STXBP5L: variants seen among roughly 807,000 people sequenced by gnomAD.
STXBP5L encodes the protein syntaxin binding protein 5L, also known as syntaxin-binding protein 5-like.
A neutral mutation model predicts 144.5 loss-of-function variants in STXBP5L; 65 were observed. The observed-to-expected ratio is 0.45, with a 90% CI of 0.37 to 0.55. The LOEUF is 0.55. Ranked by LOEUF, STXBP5L falls within the 20% of genes least tolerant of loss-of-function variation. The probability of loss-of-function intolerance (pLI) is 0.00; values close to 1 mark genes in which losing one functional copy is unlikely to be tolerated. For missense variants in STXBP5L, 1,298 were observed against 1,405.5 expected (o/e 0.92, Z 1.22); for synonymous variants, 505 against 469.6 (o/e 1.08, Z -0.97).
intron 5 of STXBP5L, among the ~76,000 whole-genome samples, chr3:121,072,016 C>T (rs888566537): frequency 6.6e-6 from 1 of 152,188 alleles, no homozygotes; most frequent in African/African-American, 2.4e-5. Flanking sequence ...TTTTCCAGAA[C>T]TTTGTGGGCG....
intron 20 of STXBP5L, among the ~76,000 whole-genome samples, chr3:121,377,707 T>TTTTA (rs1178438316): frequency 6.6e-6 from 1 of 152,146 alleles, no homozygotes; most frequent in African/African-American, 2.4e-5. Context: ...AATAGAAAAC[T>TTTTA]TTTACACTGT....
At chr3:121,188,161 G>T (rs1165156375) in intron 9 of STXBP5L, among the ~76,000 whole-genome samples, 1 of 152,146 alleles carries the variant, frequency 6.6e-6, no homozygotes, top group Non-Finnish European at 1.5e-5. Flanking sequence ...TCCAGGACTT[G>T]AACTCAGCTC....
chr3:121,015,112 C>G (rs1490433566), intron 3 of STXBP5L, among the ~76,000 whole-genome samples: 1 of 151,990 alleles, frequency 6.6e-6, no homozygotes, highest in African/African-American at 2.4e-5. Flanking sequence ...CAATCCAATC[C>G]TAATCATGAT....
intron 24 of STXBP5L, among the ~76,000 whole-genome samples, chr3:121,415,356 C>T (rs933636666): frequency 6.6e-6 from 1 of 152,150 alleles, no homozygotes; most frequent in Admixed American, 6.6e-5. Flanking sequence ...ATGTACTTCA[C>T]CCTATACAGT....
chr3:121,353,873 G>T (rs1033993874), intron 20 of STXBP5L, among the ~76,000 whole-genome samples: 4 of 152,136 alleles, frequency 2.6e-5, no homozygotes, highest in Non-Finnish European at 5.9e-5. Context: ...AGAGATTCTG[G>T]TACATTGTTC....
chr3:121,363,515 A>T (rs2108643819), intron 20 of STXBP5L, among the ~76,000 whole-genome samples: 1 of 151,930 alleles, frequency 6.6e-6, no homozygotes, highest in African/African-American at 2.4e-5. Context: ...GGTTTAGTTT[A>T]CCTTTCTGCT....
chr3:121,090,264 T>G (rs2042712728), intron 5 of STXBP5L, among the ~76,000 whole-genome samples: 1 of 152,098 alleles, frequency 6.6e-6, no homozygotes, highest in Non-Finnish European at 1.5e-5. Context: ...AGGTGGGAAT[T>G]GAAGTTCAGG....
At chr3:120,983,095 T>C (rs638589) in intron 3 of STXBP5L, among the ~76,000 whole-genome samples, 80,378 of 152,042 alleles carry the variant, frequency 0.53, 21,785 homozygotes, top group African/African-American at 0.62. Context: ...ACAGCAGTGG[T>C]AGTGGTATCT....
At chr3:121,347,151 A>C (rs566347480) in intron 20 of STXBP5L, among the ~76,000 whole-genome samples, 1 of 152,226 alleles carries the variant, frequency 6.6e-6, no homozygotes, top group African/African-American at 2.4e-5. Context: ...GAAGGGATCT[A>C]GTTTCAGCTT....
At chr3:121,253,659 G>A (rs1036824904) in intron 15 of STXBP5L, among the ~76,000 whole-genome samples, 1 of 142,708 alleles carries the variant, frequency 7.0e-6, no homozygotes, top group Non-Finnish European at 1.6e-5. Context: ...ACGGAGTCTC[G>A]CTCTGTCTGC....
intron 8 of STXBP5L, among the ~76,000 whole-genome samples, chr3:121,155,232 T>C (rs2046070048): frequency 6.6e-6 from 1 of 151,822 alleles, no homozygotes; most frequent in Admixed American, 6.6e-5. Flanking sequence ...ATTTACAACA[T>C]CCTTCTACAC....
intron 10 of STXBP5L, among the ~76,000 whole-genome samples, chr3:121,209,500 G>T (rs2048470569): frequency 6.6e-6 from 1 of 151,962 alleles, no homozygotes; most frequent in Non-Finnish European, 1.5e-5. Flanking sequence ...TGTTACATAT[G>T]TATACATGTG....
At chr3:121,313,215 G>T (rs1468119446) in intron 19 of STXBP5L, among the ~76,000 whole-genome samples, 2 of 140,304 alleles carry the variant, frequency 1.4e-5, no homozygotes, top group East Asian at 4.4e-4. Context: ...CGGAAGGGGG[G>T]CTGACCCCCC....
chr3:121,245,837 A>ATTTTTCAATATATT (rs2049832715), intron 14 of STXBP5L, among the ~76,000 whole-genome samples: 1 of 152,258 alleles, frequency 6.6e-6, no homozygotes, highest in African/African-American at 2.4e-5. Context: ...ACACAATAAT[A>ATTTTTCAATATATT]GTAATATATT....
At position 121,033,814 on chromosome 3, in the gene STXBP5L, T is replaced by C. The variant is rs368063999; in HGVS notation, c.288-7886T>C. Among the ~76,000 whole-genome samples the C allele has an allele frequency of 9.9e-5, 15 of 152,106 alleles. No individual in the cohort carries two copies. The East Asian group carries it at 1.7e-3, about 18-fold the overall frequency. ...GTTTTGTGAACATTTGTTATAATTA[T>C]ATAAACTAAATGTCACAGCTGAAAA... On this transcript the variant is annotated intron_variant, in intron 3 of 26. Coordinates refer to ENST00000471454, the MANE Select transcript of STXBP5L (RefSeq NM_001308330.2).
chr3:121,065,485 C>T (rs2041501113), intron 5 of STXBP5L, among the ~76,000 whole-genome samples: 1 of 152,074 alleles, frequency 6.6e-6, no homozygotes, highest in Admixed American at 6.5e-5. Flanking sequence ...ACAATGTTAC[C>T]ATAAACTTAG....
At chr3:121,203,475 G>A (rs192959071) in intron 9 of STXBP5L, among the ~76,000 whole-genome samples, 3 of 152,176 alleles carry the variant, frequency 2.0e-5, no homozygotes, top group Non-Finnish European at 2.9e-5. Context: ...GAATTCAGTT[G>A]TTTAATACCC....
At chr3:120,919,748 C>A (rs1016970618) in intron 2 of STXBP5L, among the ~76,000 whole-genome samples, 2 of 151,790 alleles carry the variant, frequency 1.3e-5, no homozygotes, top group Non-Finnish European at 3.0e-5. Flanking sequence ...ATTGGGCAAC[C>A]CTTTTTTAGG....
intron 7 of STXBP5L, among the ~76,000 whole-genome samples, chr3:121,132,206 C>G (rs1199827164): frequency 6.6e-6 from 1 of 152,192 alleles, no homozygotes; most frequent in African/African-American, 2.4e-5. Flanking sequence ...CTGCTTAGCA[C>G]AGAGGACAGA....
Sources: gnomAD v4.1 joint callset for allele counts (sites outside exome capture counted in the v4.1 genomes callset) on GRCh38, gnomAD v4.1.1 for gene constraint, MANE v1.5 for transcripts, NCBI Gene and HGNC (gene_info 2026-07-23, HGNC 2026-07-21) for gene names.